The following ERICH2 variants were observed in gnomAD, a reference collection of about 807,000 sequenced individuals.
ERICH2 encodes the protein glutamate-rich protein 2.
ERICH2 carries 17 observed loss-of-function variants against 17.4 expected under a neutral mutation model. The observed-to-expected ratio is 0.98, with a 90% confidence interval of 0.67 to 1.47. The LOEUF (loss-of-function observed/expected upper bound fraction) is 1.47. Ranked by LOEUF, ERICH2 falls within the 40% of genes most tolerant of loss-of-function variation. The pLI, the probability that ERICH2 is intolerant of heterozygous loss-of-function variation, is 0.00. For synonymous variants in ERICH2, 51 were observed against 61.1 expected, an observed-to-expected ratio of 0.83 and a Z score of 0.77; for missense variants, 186 against 183.2, an observed-to-expected ratio of 1.01 and a Z score of -0.09.
In ERICH2 at chr2:170,784,576, AGGAT is replaced by A. The variant is rs1324635135; in HGVS notation, c.29-69_29-66del. ...ATATATCAGTTTAATGAATAGTAAT[AGGAT>A]CTGGCAAAATTTAATTTGCGAACTT... is the stretch of plus-strand genomic sequence containing the variant. On this transcript the variant is annotated intron_variant, in intron 1 of 4. Transcript: ENST00000409885. 4.5e-6 allele frequency: 4 copies of A among 881,928 alleles called. No individual in the cohort carries two copies. The African/African-American group carries it at 6.8e-5, about 15-fold the overall frequency. 54.6% of individuals were successfully genotyped at this position (881,928 alleles called of 1,614,324 possible).
intron 2 of ERICH2, among the ~76,000 whole-genome samples, chr2:170,787,332 C>T (rs1220667293): frequency 1.5e-4 from 12 of 79,860 alleles, no homozygotes. Flanking sequence ...TTCTGGTGCA[C>T]AGCTAAGGTG....
At chr2:170,777,335 C>A in the ERICH2 span, 1 of 828,582 alleles carries the variant, frequency 1.2e-6, no homozygotes, top group Non-Finnish European at 1.5e-6. Context: ...ATATCTCAAA[C>A]TAAAATAATA....
At chr2:170,786,796 TG>T (rs1232579122) in intron 2 of ERICH2, among the ~76,000 whole-genome samples, 2 of 152,204 alleles carry the variant, frequency 1.3e-5, no homozygotes, top group Non-Finnish European at 2.9e-5. Flanking sequence ...TATATTTTTT[TG>T]CATTTCAGAT....
intron 3 of ERICH2, among the ~76,000 whole-genome samples, chr2:170,797,493 T>C (rs1363768415): frequency 7.9e-5 from 12 of 152,070 alleles, no homozygotes; most frequent in African/African-American, 2.9e-4. Flanking sequence ...TTTCTATGGA[T>C]AGGAGGTAGA....
intron 2 of ERICH2, 123 bp from the exon 8 acceptor site, chr2:170,792,740 C>A: frequency 1.6e-6 from 1 of 611,544 alleles, no homozygotes; most frequent in Non-Finnish European, 2.9e-6. Context: ...TATAGACTGA[C>A]TCCTGGAAAA....
the ERICH2 span, among the ~76,000 whole-genome samples, chr2:170,772,505 C>G: frequency 1.3e-5 from 2 of 152,174 alleles, no homozygotes; most frequent in East Asian, 3.8e-4. Context: ...AAGGAATTTG[C>G]TCAAGGTCAC....
At chr2:170,783,732 C>G, upstream of ERICH2, 1 of 1,488,712 alleles carries the variant, frequency 6.7e-7, no homozygotes, top group Non-Finnish European at 9.2e-7. Context: ...CCTGTGACAT[C>G]ACAAAATGTC....
chr2:170,785,558 T>C (rs1356949324), intron 2 of ERICH2, among the ~76,000 whole-genome samples: 1 of 151,588 alleles, frequency 6.6e-6, no homozygotes, highest in Non-Finnish European at 1.5e-5. Context: ...TATAAATAAT[T>C]ACAATAAGAT....
At chr2:170,789,518 T>C (rs1169446370) in intron 2 of ERICH2, among the ~76,000 whole-genome samples, 5 of 152,262 alleles carry the variant, frequency 3.3e-5, no homozygotes, top group African/African-American at 1.2e-4. Flanking sequence ...TCAGTGTTTA[T>C]GCTTTTTGTT....
intron 2 of ERICH2, among the ~76,000 whole-genome samples, chr2:170,791,607 G>T (rs4411661): frequency 0.69 from 103,272 of 150,700 alleles, 35,536 homozygotes; most frequent in East Asian, 0.79. Flanking sequence ...GGAGAATGGC[G>T]TGAACCCGGG....
At chr2:170,773,014 G>GTTTTT in the ERICH2 span, among the ~76,000 whole-genome samples, 1 of 152,122 alleles carries the variant, frequency 6.6e-6, no homozygotes, top group African/African-American at 2.4e-5. Context: ...AGGTGTTTTT[G>GTTTTT]TTTTTTTGTT....
At chr2:170,773,306 G>A in the ERICH2 span, among the ~76,000 whole-genome samples, 1 of 152,212 alleles carries the variant, frequency 6.6e-6, no homozygotes, top group Non-Finnish European at 1.5e-5. Flanking sequence ...CAGCTAGGAG[G>A]TTAGAAGCAA....
At chr2:170,796,422 CTCTTTGTTTTTTTT>C (rs796386128) in intron 3 of ERICH2, among the ~76,000 whole-genome samples, 1 of 79,784 alleles carries the variant, frequency 1.3e-5, no homozygotes. Flanking sequence ...CTCTCTCTCT[CTCTTTGTTTTTTTT>C]TTTGTTTTTT....
At chr2:170,777,578 ATTT>A in the ERICH2 span, 1 of 1,126,902 alleles carries the variant, frequency 8.9e-7, no homozygotes, top group South Asian at 4.5e-5. Context: ...AATATTTGCC[ATTT>A]AGAAGTGTAT....
At chr2:170,773,760 C>T in the ERICH2 span, among the ~76,000 whole-genome samples, 1 of 152,268 alleles carries the variant, frequency 6.6e-6, no homozygotes, top group East Asian at 1.9e-4. Flanking sequence ...GAGTCCCACT[C>T]TCTTGCCCAG....
At chr2:170,794,010 GT>G (rs1411725046) in intron 3 of ERICH2, among the ~76,000 whole-genome samples, 1 of 148,438 alleles carries the variant, frequency 6.7e-6, no homozygotes, top group Non-Finnish European at 1.5e-5. Flanking sequence ...TTTTCATGAT[GT>G]CCCATGTGTA....
chr2:170,790,803 C>CAA lies in ERICH2; in HGVS notation c.217-2044_217-2043dup, dbSNP rs57351246. ...TGGGCAACAGACCAAGACTCCTTCTCAAAAAAAAAAAAAAAAACTTAAAAA... is the reference window on the plus strand; with the variant it reads ...TGGGCAACAGACCAAGACTCCTTCTCAAAAAAAAAAAAAAAAAAACTTAAAAA... On this transcript the variant is annotated intron_variant, in intron 2 of 4. Transcript: ENST00000409885. 7.5e-3 allele frequency among the ~76,000 whole-genome samples: 510 copies of CAA among 67,810 alleles called. 3 individuals are homozygous for CAA. The highest frequency in any genetic ancestry group is 0.026 in the African/African-American group (446 of 17,486). The allele number at this position is 67,810 out of a possible 152,430, so 44.5% of individuals were successfully genotyped here.
At chr2:170,786,001 A>G (rs1325541373) in intron 2 of ERICH2, among the ~76,000 whole-genome samples, 1 of 151,832 alleles carries the variant, frequency 6.6e-6, no homozygotes, top group Non-Finnish European at 1.5e-5. Flanking sequence ...ACTTCTATCC[A>G]TGCATATGTT....
At chr2:170,798,088 C>T in exon 4 of ERICH2, 2 of 1,548,332 alleles carry the variant, frequency 1.3e-6, no homozygotes, top group Non-Finnish European at 1.7e-6. Context: ...GTTTTTCACA[C>T]TTATTGAAGA....
Sources: allele counts gnomAD v4.1 joint callset (sites outside exome capture counted in the v4.1 genomes callset), GRCh38; gene constraint gnomAD v4.1.1; transcripts MANE v1.5; gene names NCBI Gene and HGNC (gene_info 2026-07-23, HGNC 2026-07-21).